CCDC171: variants seen among roughly 807,000 people sequenced by gnomAD.
CCDC171 encodes the protein coiled-coil domain containing 171.
In CCDC171, 177 loss-of-function variants were observed where a neutral mutation model predicts 168.2. That is an observed-to-expected ratio of 1.05 (90% CI 0.93 to 1.19). CCDC171 has a LOEUF of 1.19. CCDC171 is among the 50% of genes most tolerant of loss of function. The pLI, the probability that CCDC171 is intolerant of heterozygous loss-of-function variation, is 0.00. For missense variants in CCDC171, 1,991 were observed against 1,539.0 expected (o/e 1.29, Z -4.91); for synonymous variants, 687 against 540.8 (o/e 1.27, Z -3.75).
chr9:15,753,972 A>G (rs2055927832), intron 18 of CCDC171, among the ~76,000 whole-genome samples: 1 of 152,154 alleles, frequency 6.6e-6, no homozygotes, highest in African/African-American at 2.4e-5. Flanking sequence ...TTCTTCAAAC[A>G]TGATGAGGGG....
At chr9:15,626,777 T>G (rs183715491) in intron 7 of CCDC171, among the ~76,000 whole-genome samples, 2 of 152,116 alleles carry the variant, frequency 1.3e-5, no homozygotes, top group South Asian at 4.1e-4. Flanking sequence ...AAAATTCTCT[T>G]TTTTTTAGTT....
intron 10 of CCDC171, among the ~76,000 whole-genome samples, chr9:15,694,184 T>C (rs1204436620): frequency 6.6e-6 from 1 of 152,194 alleles, no homozygotes; most frequent in East Asian, 1.9e-4. Context: ...AACTATTAAA[T>C]TGCTGGAGTT....
rs140700027 is a variant in CCDC171, at chr9:16,024,544, C to G, written n.998+1636C>G. On this transcript the variant is annotated intron_variant and non_coding_transcript_variant, in intron 6 of 9. Transcript: ENST00000486641. ...ATAGGCATGCTCAGACCACCAGAAG[C>G]CAGAGCAGATGAGGCAGACCTAGCA... Among the ~76,000 whole-genome samples, 445 of 152,326 alleles carry G rather than the reference C, an allele frequency of 2.9e-3. 1 individual carries two copies. The highest frequency in any genetic ancestry group is 0.01 in the African/African-American group (434 of 41,578).
At chr9:15,992,482 A>G (rs142155260) in intron 3 of CCDC171, among the ~76,000 whole-genome samples, 1 of 152,336 alleles carries the variant, frequency 6.6e-6, no homozygotes, top group African/African-American at 2.4e-5. Context: ...CCCATAGTCA[A>G]TATCATACTG....
At chr9:15,600,425 T>A (rs1271896856) in intron 6 of CCDC171, among the ~76,000 whole-genome samples, 2 of 152,202 alleles carry the variant, frequency 1.3e-5, no homozygotes, top group African/African-American at 4.8e-5. Flanking sequence ...TGCCTGGGTA[T>A]CAGCAGTAGA....
intron 24 of CCDC171, among the ~76,000 whole-genome samples, chr9:15,918,684 T>C (rs1379363587): frequency 6.6e-6 from 1 of 151,626 alleles, no homozygotes; most frequent in Non-Finnish European, 1.5e-5. Flanking sequence ...ATAATGCTTA[T>C]GTAGTGTTGG....
At chr9:16,037,376 C>T (rs1018551300) in intron 8 of CCDC171, among the ~76,000 whole-genome samples, 2 of 152,182 alleles carry the variant, frequency 1.3e-5, no homozygotes, top group African/African-American at 4.8e-5. Context: ...TGTGAGGTCA[C>T]GTCCTCAACC....
At chr9:15,746,555 A>G (rs889483341) in intron 18 of CCDC171, among the ~76,000 whole-genome samples, 1 of 152,248 alleles carries the variant, frequency 6.6e-6, no homozygotes, top group South Asian at 2.1e-4. Flanking sequence ...TTATAACTTC[A>G]AAGCAAAACT....
chr9:15,677,834 T>G, intron 9 of CCDC171, among the ~76,000 whole-genome samples: 1 of 125,024 alleles, frequency 8.0e-6, no homozygotes, highest in Non-Finnish European at 1.7e-5. Context: ...CACACACAAA[T>G]GGCTGTGTGT....
Position 15,591,551 on chromosome 9 carries a change from C to T in CCDC171, c.538C>T (p.Leu180=). The T allele has an allele frequency of 6.6e-7, 1 of 1,523,670 alleles. No homozygotes were observed. The highest frequency in any genetic ancestry group is 1.2e-5 in the South Asian group (1 of 82,336). 94.4% of individuals were successfully genotyped at this position (1,523,670 alleles called of 1,614,324 possible). ...AGAAAAAAGCAGACTAGAGAAAACT[C>T]TACAGGTAAAATAGTTTTTATAAAG... is the stretch of plus-strand genomic sequence containing the variant. ...MKEKSRLEKT[L]QEALEKHQRE... is the part of the protein sequence containing the mutation. Residue 180 remains leucine, a synonymous_variant, in exon 5 of 26, where the codon CTA becomes TTA. Coordinates refer to ENST00000380701, the MANE Select transcript of CCDC171 (RefSeq NM_173550.4).
chr9:15,821,690 A>C lies in CCDC171; in HGVS notation c.3268-25012A>C. On this transcript the variant is annotated intron_variant, in intron 21 of 25. Coordinates refer to ENST00000380701, the MANE Select transcript of CCDC171 (RefSeq NM_173550.4). ...TGCTCAAGGAAATAAAAGAGGATTC[A>C]AACAAATGGAAGAACATTCCATGCT... Among the ~76,000 whole-genome samples the C allele has an allele frequency of 1.7e-5, 2 of 117,400 alleles. 1 individual carries two copies. The highest frequency in any genetic ancestry group is 3.8e-5 in the Non-Finnish European group (2 of 52,368). The allele number at this position is 117,400 out of a possible 152,430, so 77.0% of individuals were successfully genotyped here. A position where few individuals can be genotyped will look rare whatever the true frequency, so the allele number is the denominator to read the frequency against.
At chr9:15,722,890 T>C (rs1242828753) in intron 12 of CCDC171, among the ~76,000 whole-genome samples, 1 of 152,196 alleles carries the variant, frequency 6.6e-6, no homozygotes, top group Non-Finnish European at 1.5e-5. Context: ...CCTGTATTGT[T>C]AGTAGTTTAT....
At chr9:15,694,334 A>T (rs2051049916) in intron 10 of CCDC171, among the ~76,000 whole-genome samples, 1 of 151,990 alleles carries the variant, frequency 6.6e-6, no homozygotes, top group African/African-American at 2.4e-5. Context: ...GCCACCTCCC[A>T]TATTTTTCTA....
intron 11 of CCDC171, among the ~76,000 whole-genome samples, chr9:15,703,544 A>C (rs2051960467): frequency 6.6e-6 from 1 of 152,198 alleles, no homozygotes; most frequent in Admixed American, 6.5e-5. Context: ...ATTTCACTTA[A>C]CATAATGTCC....
intron 3 of CCDC171, among the ~76,000 whole-genome samples, chr9:16,019,635 G>A (rs1472430837): frequency 6.6e-6 from 1 of 152,018 alleles, no homozygotes; most frequent in South Asian, 2.1e-4. Context: ...TTTTGGAAAG[G>A]CTACAGTCTA....
chr9:15,754,991 G>A (rs2056010653), intron 18 of CCDC171, among the ~76,000 whole-genome samples: 1 of 152,012 alleles, frequency 6.6e-6, no homozygotes, highest in South Asian at 2.1e-4. Flanking sequence ...TTAAAAAGAT[G>A]GTTCTGTTAT....
chr9:15,768,581 AT>A (rs2056854685), intron 18 of CCDC171, among the ~76,000 whole-genome samples: 1 of 152,200 alleles, frequency 6.6e-6, no homozygotes, highest in Non-Finnish European at 1.5e-5. Flanking sequence ...GCATCAGTAT[AT>A]TGTAGAATAT....
chr9:15,646,662 A>G (rs1484125230), intron 7 of CCDC171, among the ~76,000 whole-genome samples: 2 of 152,240 alleles, frequency 1.3e-5, no homozygotes, highest in Admixed American at 6.5e-5. Context: ...GAAGGCTATT[A>G]CATAATGGTA....
chr9:15,959,241 C>T (rs540329598), intron 25 of CCDC171, among the ~76,000 whole-genome samples: 6 of 152,270 alleles, frequency 3.9e-5, no homozygotes, highest in East Asian at 3.9e-4. Flanking sequence ...CATATCTCTA[C>T]CTTACGATGT....
Sources: allele counts gnomAD v4.1 joint callset (sites outside exome capture counted in the v4.1 genomes callset), GRCh38; gene constraint gnomAD v4.1.1; transcripts MANE v1.5; gene names NCBI Gene and HGNC (gene_info 2026-07-23, HGNC 2026-07-21).